The following CNBD1 variants were observed in gnomAD, a reference collection of about 807,000 sequenced individuals.
CNBD1 encodes the protein cyclic nucleotide binding domain containing 1, also known as cyclic nucleotide-binding domain-containing protein 1.
Under a neutral mutation model 54.4 loss-of-function variants are expected in CNBD1, and 71 were observed. That is an observed-to-expected ratio of 1.30 (90% CI 1.08 to 1.59). The LOEUF (loss-of-function observed/expected upper bound fraction) is 1.59. Ranked by LOEUF, CNBD1 falls within the 40% of genes most tolerant of loss-of-function variation. The probability of loss-of-function intolerance (pLI) is 0.00; values close to 1 mark genes in which losing one functional copy is unlikely to be tolerated. For missense variants in CNBD1, 659 were observed against 518.0 expected (o/e 1.27, Z -2.64); for synonymous variants, 182 against 170.7 (o/e 1.07, Z -0.51).
At chr8:87,369,305 A>T (rs1180061083) in intron 10 of CNBD1, among the ~76,000 whole-genome samples, 1 of 152,002 alleles carries the variant, frequency 6.6e-6, no homozygotes, top group Non-Finnish European at 1.5e-5. Context: ...CATTCCGTAC[A>T]TGCTGTTTGA....
Position 86,905,082 on chromosome 8 carries a change from C to T in CNBD1, c.160C>T (p.Arg54Trp), listed in dbSNP as rs201925237. 77 of 1,586,102 alleles carry T rather than the reference C, an allele frequency of 4.9e-5. No individual in the cohort carries two copies. Among genetic ancestry groups the T allele is most frequent in the East Asian group, 1.8e-4 (8 of 44,664 alleles). The change falls in exon 3 of 11, where the codon CGG becomes TGG. Residue 54 changes from arginine (R) to tryptophan (W), a missense_variant and splice_region_variant. By Grantham distance (101) the Arg-to-Trp change is moderately radical (BLOSUM62 -3). Transcript: ENST00000518476. ...ALCHIRGQHSRSMSNILSAHD... is the reference protein window; with the variant it reads ...ALCHIRGQHSWSMSNILSAHD... ...TTTAATTTCTCTCTTCTTTTTAAGCCGGAGTATGAGCAATATCTTATCAGC... is the reference window on the plus strand; with the variant it reads ...TTTAATTTCTCTCTTCTTTTTAAGCTGGAGTATGAGCAATATCTTATCAGC...
intron 4 of CNBD1, among the ~76,000 whole-genome samples, chr8:87,093,349 G>C (rs1811256221): frequency 6.6e-6 from 1 of 152,138 alleles, no homozygotes; most frequent in Non-Finnish European, 1.5e-5. Context: ...GTGGTGGTTA[G>C]GGAGTGGGCC....
intron 8 of CNBD1, among the ~76,000 whole-genome samples, chr8:87,326,937 A>G (rs1213715289): frequency 1.0e-5 from 1 of 97,142 alleles, no homozygotes; most frequent in Non-Finnish European, 2.2e-5. Flanking sequence ...TTGTGGTTTT[A>G]TCTACTTTTG....
At chr8:87,101,856 C>T (rs953652702) in intron 4 of CNBD1, among the ~76,000 whole-genome samples, 15 of 151,312 alleles carry the variant, frequency 9.9e-5, no homozygotes, top group Admixed American at 5.9e-4. Flanking sequence ...TGTTATGATG[C>T]AGCTGGAGGT....
intron 4 of CNBD1, among the ~76,000 whole-genome samples, chr8:87,167,124 A>G (rs926626749): frequency 2.0e-5 from 3 of 152,134 alleles, no homozygotes; most frequent in East Asian, 3.9e-4. Context: ...TATTGTAACC[A>G]TTAACACCTC....
intron 4 of CNBD1, among the ~76,000 whole-genome samples, chr8:87,112,550 C>G (rs1811685422): frequency 6.6e-6 from 1 of 152,134 alleles, no homozygotes; most frequent in African/African-American, 2.4e-5. Context: ...CCTGTTGTTT[C>G]TCTCTCTAAA....
downstream of CNBD1, among the ~76,000 whole-genome samples, chr8:87,387,272 A>T (rs1811208578): frequency 6.6e-6 from 1 of 152,172 alleles, no homozygotes; most frequent in South Asian, 2.1e-4. Flanking sequence ...CCTTACATGT[A>T]AATGGGCTAA....
At chr8:86,927,726 A>G (rs1042618674) in intron 3 of CNBD1, among the ~76,000 whole-genome samples, 1 of 152,162 alleles carries the variant, frequency 6.6e-6, no homozygotes, top group Non-Finnish European at 1.5e-5. Flanking sequence ...AAATGATTCC[A>G]TCAAAGGGAC....
At chr8:86,918,799 TAAA>T (rs67260396) in intron 3 of CNBD1, among the ~76,000 whole-genome samples, 20 of 137,714 alleles carry the variant, frequency 1.5e-4, no homozygotes, top group African/African-American at 2.2e-4. Flanking sequence ...TATCTTTCTT[TAAA>T]AAAAAAAAAA....
At chr8:87,091,805 T>C (rs928301822) in intron 4 of CNBD1, among the ~76,000 whole-genome samples, 11 of 151,882 alleles carry the variant, frequency 7.2e-5, no homozygotes. Context: ...AAATTTTTTT[T>C]TGCATTAAAG....
At chr8:87,169,974 T>C (rs948855651) in intron 4 of CNBD1, among the ~76,000 whole-genome samples, 3 of 152,116 alleles carry the variant, frequency 2.0e-5, no homozygotes, top group Admixed American at 1.3e-4. Context: ...AGGGAATGTA[T>C]TGAGTTTGTA....
At chr8:87,061,904 C>G (rs1295508990) in intron 4 of CNBD1, among the ~76,000 whole-genome samples, 5 of 152,202 alleles carry the variant, frequency 3.3e-5, no homozygotes, top group African/African-American at 1.2e-4. Context: ...TATGCCCTGT[C>G]AGTACAGCTA....
At chr8:86,939,205 T>C (rs1295969328) in intron 3 of CNBD1, among the ~76,000 whole-genome samples, 3 of 152,102 alleles carry the variant, frequency 2.0e-5, no homozygotes, top group Admixed American at 6.6e-5. Flanking sequence ...TTAAATAATA[T>C]AATTTTATCC....
At chr8:87,164,885 C>A (rs1291772234) in intron 4 of CNBD1, among the ~76,000 whole-genome samples, 2 of 151,358 alleles carry the variant, frequency 1.3e-5, no homozygotes, top group South Asian at 2.1e-4. Context: ...TATTTGAGAT[C>A]TTTTGTTTTA....
chr8:86,966,679 G>A (rs1392668255), intron 4 of CNBD1, among the ~76,000 whole-genome samples: 1 of 152,228 alleles, frequency 6.6e-6, no homozygotes, highest in East Asian at 1.9e-4. Flanking sequence ...GGAGTTGTTA[G>A]TTCCTCCGGA....
intron 4 of CNBD1, among the ~76,000 whole-genome samples, chr8:87,049,048 T>C (rs567339834): frequency 2.0e-5 from 3 of 152,296 alleles, no homozygotes; most frequent in African/African-American, 7.2e-5. Flanking sequence ...ATCCTTGAGA[T>C]GTGGCTTATT....
chr8:87,228,110 C>T (rs1389854505), intron 5 of CNBD1, among the ~76,000 whole-genome samples: 7 of 151,318 alleles, frequency 4.6e-5, no homozygotes, highest in African/African-American at 7.3e-5. Flanking sequence ...TTAAGCACTT[C>T]TCTGTATTGG....
chr8:87,060,882 T>C (rs1171429006), intron 4 of CNBD1, among the ~76,000 whole-genome samples: 2 of 152,114 alleles, frequency 1.3e-5, no homozygotes, highest in African/African-American at 4.8e-5. Context: ...GTAATTGTTA[T>C]ATTGTAGCAT....
chr8:87,170,595 G>T (rs532768704), intron 4 of CNBD1, among the ~76,000 whole-genome samples: 1 of 152,126 alleles, frequency 6.6e-6, no homozygotes, highest in South Asian at 2.1e-4. Flanking sequence ...TCTGTCATAC[G>T]TGGCTTTCAT....
Sources: gnomAD v4.1 joint callset for allele counts (sites outside exome capture counted in the v4.1 genomes callset) on GRCh38, gnomAD v4.1.1 for gene constraint, MANE v1.5 for transcripts, NCBI Gene and HGNC (gene_info 2026-07-23, HGNC 2026-07-21) for gene names.